Variants in TSHZ3 observed in about 807,000 individuals in gnomAD.
The protein encoded by TSHZ3 is teashirt zinc finger homeobox 3.
TSHZ3 carries 10 observed loss-of-function variants against 64.5 expected under a neutral mutation model. The observed-to-expected ratio is 0.16, with a 90% CI of 0.10 to 0.26. The LOEUF is 0.26. TSHZ3 is among the 10% of genes least tolerant of loss of function. TSHZ3 has a pLI of 1.00. For missense variants in TSHZ3, 1,242 were observed against 1,421.7 expected, an observed-to-expected ratio of 0.87 and a Z score of 2.03; for synonymous variants, 608 against 593.1, an observed-to-expected ratio of 1.03 and a Z score of -0.36.
At chr19:31,227,413 G>T (rs1238393064) in intron 4 of TSHZ3, among the ~76,000 whole-genome samples, 1 of 152,022 alleles carries the variant, frequency 6.6e-6, no homozygotes. Context: ...AATTTGAGGA[G>T]GAAAAAAACC....
chr19:31,226,222 C>G (rs1975458964), intron 4 of TSHZ3, among the ~76,000 whole-genome samples: 1 of 152,034 alleles, frequency 6.6e-6, no homozygotes, highest in Non-Finnish European at 1.5e-5. Context: ...TTCAATTCCA[C>G]TTCTTCCCAT....
intron 1 of TSHZ3, among the ~76,000 whole-genome samples, chr19:31,336,035 C>A (rs893254421): frequency 6.6e-6 from 1 of 152,194 alleles, no homozygotes; most frequent in Admixed American, 6.5e-5. Flanking sequence ...TTCATGAATT[C>A]TAATATTCAA....
chr19:31,202,794 CA>C (rs1399164758), intron 5 of TSHZ3, among the ~76,000 whole-genome samples: 1 of 152,304 alleles, frequency 6.6e-6, no homozygotes, highest in East Asian at 1.9e-4. Context: ...TGCTGGTCAT[CA>C]AAATTGCCCT....
In TSHZ3 at chr19:31,276,876, G is replaced by A; in HGVS notation, c.2917C>T (p.His973Tyr). 6.2e-7 allele frequency: 1 copy of A among 1,614,196 alleles called. No individual in the cohort carries two copies. The highest frequency in any genetic ancestry group is 1.1e-5 in the South Asian group (1 of 91,078). The change falls in exon 2 of 2, where the codon CAC becomes TAC. Residue 973 changes from histidine to tyrosine, a missense_variant. Coordinates refer to ENST00000240587, the MANE Select transcript of TSHZ3 (RefSeq NM_020856.4). ...TKFLKNLDTG[H>Y]PVFFCNDCAS... is the part of the protein sequence containing the mutation. ...CAATCGTTACAAAAGAAGACGGGGT[G>A]GCCAGTGTCCAAGTTTTTGAGGAAC...
In TSHZ3 at chr19:31,209,417, C is replaced by G. The variant is rs144067157; in HGVS notation, n.687-4339G>C. Among the ~76,000 whole-genome samples, 24 of 152,244 alleles carry G rather than the reference C, an allele frequency of 1.6e-4. No homozygotes were observed. The East Asian group carries it at 4.7e-3, about 30-fold the overall frequency. ...AGGGGCACAGATCCAGGATTCAGAT[C>G]ATCTGGGTTTGAATTCTGGCTATTC... is the stretch of plus-strand genomic sequence containing the variant. On this transcript the variant is annotated intron_variant and non_coding_transcript_variant, in intron 4 of 6. Coordinates refer to the TSHZ3 transcript ENST00000651361.
At chr19:31,160,252 C>T (rs557079180) in intron 5 of TSHZ3, among the ~76,000 whole-genome samples, 3 of 152,226 alleles carry the variant, frequency 2.0e-5, no homozygotes, top group African/African-American at 7.2e-5. Context: ...ACTCTGGAGG[C>T]CTCCCTCTAG....
chr19:31,185,148 G>T (rs1291561122), intron 5 of TSHZ3, among the ~76,000 whole-genome samples: 1 of 151,176 alleles, frequency 6.6e-6, no homozygotes, highest in East Asian at 1.9e-4. Context: ...AGCGAGGAAA[G>T]CTCCAGCTCT....
At chr19:31,227,112 G>T (rs1247100716) in intron 4 of TSHZ3, among the ~76,000 whole-genome samples, 1 of 151,032 alleles carries the variant, frequency 6.6e-6, no homozygotes, top group Non-Finnish European at 1.5e-5. Flanking sequence ...TCAAGTAGCT[G>T]GGACTACAGG....
At chr19:31,184,488 A>T (rs1042005414) in intron 5 of TSHZ3, among the ~76,000 whole-genome samples, 1 of 152,178 alleles carries the variant, frequency 6.6e-6, no homozygotes, top group African/African-American at 2.4e-5. Context: ...CTCTACAATC[A>T]GGGTGATTAC....
At chr19:31,264,281 T>C (rs1599611314) in intron 1 of TSHZ3, among the ~76,000 whole-genome samples, 1 of 152,046 alleles carries the variant, frequency 6.6e-6, no homozygotes. Flanking sequence ...TATCCTGGGG[T>C]GGGGCCACTC....
At chr19:31,164,674 G>C (rs1241970586) in intron 5 of TSHZ3, among the ~76,000 whole-genome samples, 1 of 152,154 alleles carries the variant, frequency 6.6e-6, no homozygotes, top group African/African-American at 2.4e-5. Flanking sequence ...TGATGGGCGA[G>C]TGAGCCAGGG....
intron 1 of TSHZ3, among the ~76,000 whole-genome samples, chr19:31,334,727 G>A (rs1422176415): frequency 6.6e-6 from 1 of 152,122 alleles, no homozygotes; most frequent in African/African-American, 2.4e-5. Flanking sequence ...TGGAGTCTTA[G>A]GTTTTCTCAC....
chr19:31,184,360 C>T (rs992757361), intron 5 of TSHZ3, among the ~76,000 whole-genome samples: 1 of 152,130 alleles, frequency 6.6e-6, no homozygotes, highest in East Asian at 1.9e-4. Flanking sequence ...TGTTGAAACA[C>T]CTTTTGGCCT....
In TSHZ3 at chr19:31,237,749, G is replaced by T. The variant is rs556194784; in HGVS notation, n.550+4520C>A. Among the ~76,000 whole-genome samples the T allele has an allele frequency of 5.3e-5, 8 of 152,010 alleles. No homozygotes were observed. The East Asian group carries it at 1.5e-3, about 29-fold the overall frequency. On this transcript the variant is annotated intron_variant and non_coding_transcript_variant, in intron 3 of 6. Transcript: ENST00000651361. ...ATATTGCAAGCTATACATTCTTTTC[G>T]AAGTATTGCTTTAGCTGTACACTGC... is the stretch of plus-strand genomic sequence containing the variant.
chr19:31,192,702 C>A (rs1236359069), intron 5 of TSHZ3, among the ~76,000 whole-genome samples: 1 of 152,212 alleles, frequency 6.6e-6, no homozygotes, highest in Non-Finnish European at 1.5e-5. Context: ...CCTATGTAAA[C>A]TGCACTCCAC....
intron 5 of TSHZ3, among the ~76,000 whole-genome samples, chr19:31,169,907 G>T (rs1974512972): frequency 1.3e-5 from 2 of 152,212 alleles, no homozygotes; most frequent in African/African-American, 2.4e-5. Context: ...GGGGATTTCT[G>T]CAGGGAGAAG....
intron 5 of TSHZ3, among the ~76,000 whole-genome samples, chr19:31,184,606 T>A (rs1249953570): frequency 1.3e-5 from 2 of 152,220 alleles, no homozygotes; most frequent in African/African-American, 4.8e-5. Context: ...AGGGGAAAGA[T>A]TAAGTTCTTT....
At chr19:31,251,255 T>A (rs1305591728) in intron 1 of TSHZ3, among the ~76,000 whole-genome samples, 4 of 152,134 alleles carry the variant, frequency 2.6e-5, no homozygotes, top group Non-Finnish European at 5.9e-5. Flanking sequence ...AGGGGACATG[T>A]CTGCCTGGGA....
chr19:31,248,995 G>T (rs1394254007), intron 1 of TSHZ3, among the ~76,000 whole-genome samples: 1 of 151,894 alleles, frequency 6.6e-6, no homozygotes, highest in Non-Finnish European at 1.5e-5. Flanking sequence ...AGCTAGCATT[G>T]AGCCAAGCCC....
Sources: allele counts gnomAD v4.1 joint callset (sites outside exome capture counted in the v4.1 genomes callset), GRCh38; gene constraint gnomAD v4.1.1; transcripts MANE v1.5; gene names NCBI Gene and HGNC (gene_info 2026-07-23, HGNC 2026-07-21).